ULK2: variants seen among roughly 807,000 people sequenced by gnomAD.
ULK2 encodes serine/threonine-protein kinase ULK2.
Under a neutral mutation model 127.5 loss-of-function variants are expected in ULK2, and 76 were observed. The observed-to-expected ratio is 0.60, with a 90% CI of 0.50 to 0.72. The LOEUF (loss-of-function observed/expected upper bound fraction) is 0.72. ULK2 is among the 30% of genes least tolerant of loss of function. The pLI, the probability that ULK2 is intolerant of heterozygous loss-of-function variation, is 0.00. For synonymous variants in ULK2, 452 were observed against 461.9 expected, an observed-to-expected ratio of 0.98 and a Z score of 0.28; for missense variants, 1,144 against 1,295.9, an observed-to-expected ratio of 0.88 and a Z score of 1.80.
chr17:19,843,707 G>A (rs1211521354), intron 7 of ULK2, among the ~76,000 whole-genome samples: 3 of 149,146 alleles, frequency 2.0e-5, no homozygotes, highest in Non-Finnish European at 3.0e-5. Flanking sequence ...CACCCAGGCT[G>A]GAGTGCAGTG....
At chr17:19,784,376 G>T (rs949164576) in intron 21 of ULK2, among the ~76,000 whole-genome samples, 3 of 151,854 alleles carry the variant, frequency 2.0e-5, no homozygotes, top group African/African-American at 7.3e-5. Flanking sequence ...ACTCTGAAGT[G>T]GTATAAGAAG....
chr17:19,815,855 C>A (rs2040976374), intron 13 of ULK2, among the ~76,000 whole-genome samples: 1 of 151,156 alleles, frequency 6.6e-6, no homozygotes, highest in Non-Finnish European at 1.5e-5. Flanking sequence ...AAAATAATAA[C>A]AAAATTTAAA....
intron 9 of ULK2, chr17:19,840,396 G>A (rs910422710): frequency 2.3e-5 from 12 of 512,988 alleles, no homozygotes; most frequent in African/African-American, 1.6e-4. Context: ...ACTCTTGGGC[G>A]CTCTGTGTGC....
Position 19,797,615 on chromosome 17 carries a change from G to A in ULK2, c.1590C>T (p.Pro530=). The change falls in exon 18 of 27, where the codon CCC becomes CCT. Residue 530 remains proline (P), a synonymous_variant. Coordinates refer to ENST00000395544, the MANE Select transcript of ULK2 (RefSeq NM_014683.4). The stretch of plus-strand genomic sequence containing the variant: ...TGTTCTGATAGATGTCAGTGAGGGT[G>A]GGGGCGCTCTGCAGTCTAGCACCCG... ...LLSGARLQSA[P]TLTDIYQNKQ... 6.2e-7 allele frequency: 1 copy of A among 1,613,192 alleles called. No homozygotes were observed. The highest frequency in any genetic ancestry group is 2.2e-5 in the East Asian group (1 of 44,816).
chr17:19,814,442 T>TATATATACATATATATACATATATATACG (rs2040928849), intron 13 of ULK2, among the ~76,000 whole-genome samples: 1 of 11,304 alleles, frequency 8.8e-5, no homozygotes. Flanking sequence ...ATATATATTT[T>TATATATACATATATATACATATATATACG]TTTTTTTTTT....
intron 1 of ULK2, among the ~76,000 whole-genome samples, chr17:19,866,922 G>C (rs1311052652): frequency 6.6e-6 from 1 of 152,128 alleles, no homozygotes; most frequent in East Asian, 1.9e-4. Flanking sequence ...CCCATTTTCC[G>C]CTGGGTCTGT....
At position 19,825,165 on chromosome 17, in the gene ULK2, G is replaced by A; in HGVS notation, c.853C>T (p.Pro285Ser). ...PVKKSCPVPV[P>S]MYSGSVSGSS... is the part of the protein sequence containing the mutation. The stretch of plus-strand genomic sequence containing the variant: ...CCAGAGACAGAACCAGAATACATGG[G>A]CACTGGAACTGGGCAAGCTAGGGGA... Residue 285 changes from proline (P) to serine (S), a missense_variant, in exon 12 of 27, where the codon CCC becomes TCC. Pro to Ser is a moderately conservative substitution (Grantham distance 74). Transcript: ENST00000395544. The A allele has an allele frequency of 6.2e-7, 1 of 1,614,078 alleles. No homozygotes were observed. The highest frequency in any genetic ancestry group is 8.5e-7 in the Non-Finnish European group (1 of 1,179,992).
chr17:19,804,954 A>G (rs1046733672), intron 14 of ULK2, 124 bp from the exon 15 acceptor site: 8 of 1,056,842 alleles, frequency 7.6e-6, no homozygotes, highest in Middle Eastern at 2.7e-4. Flanking sequence ...CACTACCTTA[A>G]TAAGAAATGA....
At position 19,797,637 on chromosome 17, in the gene ULK2, C is replaced by A; in HGVS notation, c.1568G>T (p.Gly523Val). The change falls in exon 18 of 27, where the codon GGT becomes GTT. Residue 523 changes from glycine to valine, a missense_variant. Around this residue, in one of 2 missense-constraint regions of ULK2, gnomAD observed 913 missense variants for 970.5 expected, o/e 0.94. Transcript: ENST00000395544. Reference sequence around the variant, plus strand: ...GGTGGGGGCGCTCTGCAGTCTAGCACCCGATAAGAGAGACTGTGGGGACTG... The same window carrying A: ...GGTGGGGGCGCTCTGCAGTCTAGCAACCGATAAGAGAGACTGTGGGGACTG... Reference protein sequence around the residue: ...QAQSPQSLLSGARLQSAPTLT... With the variant: ...QAQSPQSLLSVARLQSAPTLT... 1.2e-6 allele frequency: 2 copies of A among 1,604,958 alleles called. No homozygotes were observed. Among genetic ancestry groups the A allele is most frequent in the Non-Finnish European group, 1.7e-6 (2 of 1,175,388 alleles).
chr17:19,864,531 A>G (rs1392776318), intron 3 of ULK2, among the ~76,000 whole-genome samples: 8 of 152,104 alleles, frequency 5.3e-5, no homozygotes, highest in Non-Finnish European at 1.5e-5. Context: ...AGAATGCTAG[A>G]TCTGGTATCA....
chr17:19,817,655 A>T (rs532663154), intron 12 of ULK2, among the ~76,000 whole-genome samples: 1 of 152,224 alleles, frequency 6.6e-6, no homozygotes, highest in Non-Finnish European at 1.5e-5. Flanking sequence ...AACTCATTGA[A>T]TATCTTGATT....
At chr17:19,867,164 C>T (rs1597833703) in intron 1 of ULK2, among the ~76,000 whole-genome samples, 164 bp downstream of exon 1, 1 of 152,132 alleles carries the variant, frequency 6.6e-6, no homozygotes, top group African/African-American at 2.4e-5. Context: ...CTCACAACAA[C>T]CCTCACAGGA....
intron 10 of ULK2, among the ~76,000 whole-genome samples, chr17:19,835,212 C>T (rs530706396): frequency 1.1e-4 from 17 of 150,456 alleles, no homozygotes; most frequent in East Asian, 8.1e-4. Context: ...TGTAGTGGCG[C>T]GATCTTGGCT....
At chr17:19,822,589 A>G (rs1314784843) in intron 12 of ULK2, among the ~76,000 whole-genome samples, 1 of 151,906 alleles carries the variant, frequency 6.6e-6, no homozygotes. Context: ...GCTGGTCTCA[A>G]ACTCCTGACC....
intron 20 of ULK2, among the ~76,000 whole-genome samples, chr17:19,788,174 G>A (rs1363148447): frequency 6.6e-6 from 1 of 152,048 alleles, no homozygotes; most frequent in Non-Finnish European, 1.5e-5. Context: ...CCAAATCCTG[G>A]TGCCGTGCTG....
chr17:19,784,651 G>A (rs1229411815), intron 21 of ULK2, among the ~76,000 whole-genome samples: 1 of 147,500 alleles, frequency 6.8e-6, no homozygotes, highest in African/African-American at 2.5e-5. Context: ...AGCCTCACAA[G>A]TAGCTGGGAC....
rs1293343126 is a variant in ULK2, at chr17:19,822,356, AT to A, written c.924+2737del. On this transcript the variant is annotated intron_variant, in intron 12 of 26. Coordinates refer to ENST00000395544, the MANE Select transcript of ULK2 (RefSeq NM_014683.4). ...TATGTTTATGCCAGTGACTTATTTT[AT>A]TTTTTATTTTATTTTTTTTTTTGAG... 7.9e-5 allele frequency among the ~76,000 whole-genome samples: 12 copies of A among 151,422 alleles called. No individual in the cohort carries two copies. The East Asian group carries it at 1.6e-3, about 20-fold the overall frequency.
Position 19,773,286 on chromosome 17 carries a change from A to C in ULK2, c.*3063T>G, listed in dbSNP as rs1035761708. The C allele has an allele frequency of 6.6e-6, 1 of 152,298 alleles. No individual in the cohort carries two copies. Among genetic ancestry groups the C allele is most frequent in the East Asian group, 1.9e-4 (1 of 5,198 alleles). 9.4% of individuals were successfully genotyped at this position (152,298 alleles called of 1,614,324 possible). ...GGTGACTCTGTCTCAAAACAAGCCA[A>C]CAAAAAAATAATAAGGATTCTTCAG... On this transcript the variant is annotated 3_prime_UTR_variant, in exon 27 of 27. Coordinates refer to ENST00000395544, the MANE Select transcript of ULK2 (RefSeq NM_014683.4).
intron 3 of ULK2, chr17:19,861,138 AC>A (rs1345592179): frequency 6.6e-6 from 1 of 151,610 alleles, no homozygotes; most frequent in Admixed American, 6.6e-5. Flanking sequence ...GAATGCAGTC[AC>A]CCTGAAATTC....
Sources: allele counts gnomAD v4.1 joint callset (sites outside exome capture counted in the v4.1 genomes callset), GRCh38; gene constraint gnomAD v4.1.1; regional missense constraint gnomAD v4.1.1; transcripts MANE v1.5; gene names NCBI Gene and HGNC (gene_info 2026-07-23, HGNC 2026-07-21).